Variants in CDH13 observed in about 807,000 individuals in gnomAD.
CDH13 encodes cadherin 13.
Under a neutral mutation model 63.8 loss-of-function variants are expected in CDH13, and 24 were observed. The ratio of observed to expected loss-of-function variants is 0.38; its 90% CI spans 0.27 to 0.53. The LOEUF (loss-of-function observed/expected upper bound fraction) is 0.53. Ranked by LOEUF, CDH13 falls within the 20% of genes least tolerant of loss-of-function variation. The pLI, the probability that CDH13 is intolerant of heterozygous loss-of-function variation, is 0.85. For missense variants in CDH13, 1,049 were observed against 903.1 expected (o/e 1.16, Z -2.07); for synonymous variants, 503 against 355.3 (o/e 1.42, Z -4.67).
chr16:83,218,689 A>C (rs1460351896), intron 5 of CDH13, among the ~76,000 whole-genome samples: 3 of 152,068 alleles, frequency 2.0e-5, no homozygotes, highest in African/African-American at 7.2e-5. Context: ...AGATACAATA[A>C]ATTTCATAAT....
At chr16:83,553,216 G>A (rs2075541993) in intron 7 of CDH13, among the ~76,000 whole-genome samples, 1 of 152,160 alleles carries the variant, frequency 6.6e-6, no homozygotes, top group African/African-American at 2.4e-5. Flanking sequence ...AACATTCCAA[G>A]AGTTAAAATT....
At chr16:83,180,511 C>A (rs1187554254) in intron 4 of CDH13, among the ~76,000 whole-genome samples, 1 of 152,132 alleles carries the variant, frequency 6.6e-6, no homozygotes, top group Non-Finnish European at 1.5e-5. Flanking sequence ...TTGGTGGTAG[C>A]TAACTGAAAT....
At chr16:83,034,111 T>C (rs1344355838) in intron 3 of CDH13, among the ~76,000 whole-genome samples, 1 of 152,060 alleles carries the variant, frequency 6.6e-6, no homozygotes, top group East Asian at 1.9e-4. Context: ...ATCTGCAGAA[T>C]AGCGAGGTTA....
chr16:83,318,087 C>T (rs937581541), intron 5 of CDH13, among the ~76,000 whole-genome samples: 2 of 152,156 alleles, frequency 1.3e-5, no homozygotes, highest in African/African-American at 4.8e-5. Flanking sequence ...ATACCTATCC[C>T]ATAGAGTAAC....
chr16:83,554,012 G>C (rs1374919912), intron 7 of CDH13, among the ~76,000 whole-genome samples: 1 of 152,126 alleles, frequency 6.6e-6, no homozygotes, highest in African/African-American at 2.4e-5. Flanking sequence ...AATTGCCTGT[G>C]TCTCTGTCTG....
rs534309146 is a variant in CDH13, at chr16:83,518,454, T to C, written c.960+31799T>C. 4.4e-5 allele frequency among the ~76,000 whole-genome samples: 6 copies of C among 137,800 alleles called. No homozygotes were observed. In the Admixed American group the frequency reaches 4.5e-4, roughly 10 times the overall value. The allele number at this position is 137,800 out of a possible 152,430, so 90.4% of individuals were successfully genotyped here. On this transcript the variant is annotated intron_variant, in intron 7 of 13. Coordinates refer to ENST00000567109, the MANE Select transcript of CDH13 (RefSeq NM_001257.5). Reference sequence around the variant, plus strand: ...GCCACCGCGCCCGGCCAAGATGTGATGGGTTTTTTTTTGTTTTTTGTTTTT... The same window carrying C: ...GCCACCGCGCCCGGCCAAGATGTGACGGGTTTTTTTTTGTTTTTTGTTTTT...
At chr16:82,946,032 C>T (rs180682081) in intron 2 of CDH13, among the ~76,000 whole-genome samples, 9 of 152,158 alleles carry the variant, frequency 5.9e-5, no homozygotes, top group Admixed American at 1.3e-4. Flanking sequence ...CTTCTCCTGG[C>T]GTCTTATAAC....
intron 10 of CDH13, among the ~76,000 whole-genome samples, chr16:83,690,280 A>G (rs1280264478): frequency 6.6e-6 from 1 of 152,240 alleles, no homozygotes; most frequent in East Asian, 1.9e-4. Context: ...GTAACTGGTG[A>G]TTAATGCAAA....
At chr16:82,745,854 G>A (rs1275624902) in intron 1 of CDH13, among the ~76,000 whole-genome samples, 1 of 151,922 alleles carries the variant, frequency 6.6e-6, no homozygotes, top group Non-Finnish European at 1.5e-5. Context: ...ACCAAATTTG[G>A]TCCTCTGTTA....
intron 3 of CDH13, among the ~76,000 whole-genome samples, chr16:83,037,026 A>G (rs1916923235): frequency 6.6e-6 from 1 of 152,334 alleles, no homozygotes; most frequent in South Asian, 2.1e-4. Context: ...GACAGGAGCT[A>G]TGGAGCCACT....
intron 1 of CDH13, among the ~76,000 whole-genome samples, chr16:82,838,303 C>T (rs2038857768): frequency 6.6e-6 from 1 of 152,132 alleles, no homozygotes; most frequent in African/African-American, 2.4e-5. Context: ...ATTTTTCTGG[C>T]AGAAGAACAT....
At chr16:83,505,531 CT>C (rs5818453) in intron 7 of CDH13, among the ~76,000 whole-genome samples, 71,893 of 97,304 alleles carry the variant, frequency 0.74, 27,178 homozygotes, top group East Asian at 0.93. Flanking sequence ...GTGATTAATC[CT>C]TTTTTTTTTT....
intron 4 of CDH13, among the ~76,000 whole-genome samples, chr16:83,165,358 A>G (rs2037620508): frequency 6.6e-6 from 1 of 151,600 alleles, no homozygotes; most frequent in Non-Finnish European, 1.5e-5. Context: ...TGGATATTCT[A>G]AGATTTGTTG....
chr16:83,373,387 A>C (rs999707150), intron 6 of CDH13, among the ~76,000 whole-genome samples: 6 of 152,186 alleles, frequency 3.9e-5, no homozygotes, highest in Non-Finnish European at 8.8e-5. Context: ...GAAGGCTCCC[A>C]GGCAGAAAGT....
intron 7 of CDH13, among the ~76,000 whole-genome samples, chr16:83,557,252 G>C (rs117643994): frequency 0.039 from 5,919 of 152,224 alleles, 171 homozygotes; most frequent in Non-Finnish European, 0.058. Context: ...CTAGTTGAAG[G>C]AAAACAAGCT....
intron 3 of CDH13, among the ~76,000 whole-genome samples, chr16:83,059,248 A>T (rs1301978391): frequency 6.6e-6 from 1 of 152,186 alleles, no homozygotes; most frequent in Non-Finnish European, 1.5e-5. Flanking sequence ...CACCTGAAAA[A>T]TAGAGGGACT....
At chr16:83,128,770 T>G (rs1297808711) in intron 4 of CDH13, among the ~76,000 whole-genome samples, 1 of 152,226 alleles carries the variant, frequency 6.6e-6, no homozygotes, top group African/African-American at 2.4e-5. Context: ...ATTGTTTTTT[T>G]ACTTATTACA....
chr16:82,637,868 T>G (rs1908877510), intron 1 of CDH13: 1 of 152,250 alleles, frequency 6.6e-6, no homozygotes, highest in Non-Finnish European at 1.5e-5. Context: ...GGCCCGTGTC[T>G]TCACTCAGCG....
chr16:83,560,138 C>G (rs1187674985), intron 7 of CDH13, among the ~76,000 whole-genome samples: 2 of 152,146 alleles, frequency 1.3e-5, no homozygotes, highest in African/African-American at 4.8e-5. Flanking sequence ...GTGTTAGTCC[C>G]TGGACAAGAG....
Sources: allele counts gnomAD v4.1 joint callset (sites outside exome capture counted in the v4.1 genomes callset), GRCh38; gene constraint gnomAD v4.1.1; transcripts MANE v1.5; gene names NCBI Gene and HGNC (gene_info 2026-07-23, HGNC 2026-07-21).